The following ANXA8 variants were observed in gnomAD, a reference collection of about 807,000 sequenced individuals.
The protein encoded by ANXA8 is annexin A8, also known as VAC-beta.
ANXA8 carries 9 observed loss-of-function variants against 26.8 expected under a neutral mutation model. The observed-to-expected ratio is 0.34, with a 90% CI of 0.20 to 0.59. The LOEUF (loss-of-function observed/expected upper bound fraction) is 0.59, where lower values mean the gene tolerates loss of function less well. ANXA8 is among the 20% of genes least tolerant of loss of function. The pLI is 0.84. For missense variants in ANXA8, 83 were observed against 238.5 expected, an observed-to-expected ratio of 0.35 and a Z score of 4.29; for synonymous variants, 39 against 94.8, an observed-to-expected ratio of 0.41 and a Z score of 3.42.
the ANXA8 span, among the ~76,000 whole-genome samples, chr10:47,949,686 T>C: frequency 1.3e-5 from 2 of 150,186 alleles, no homozygotes; most frequent in Admixed American, 6.6e-5. Context: ...AGTGTTATAA[T>C]AGTATATTTG....
At chr10:47,701,151 A>G in the ANXA8 span, among the ~76,000 whole-genome samples, 1 of 150,732 alleles carries the variant, frequency 6.6e-6, no homozygotes, top group Non-Finnish European at 1.5e-5. Context: ...AGAAATTCAA[A>G]TTAAAACTAC....
At chr10:47,490,677 A>T in the ANXA8 span, among the ~76,000 whole-genome samples, 5 of 141,676 alleles carry the variant, frequency 3.5e-5, no homozygotes, top group Non-Finnish European at 7.6e-5. Context: ...ATCATAAAAA[A>T]CTCAGAGGCT....
the ANXA8 span, among the ~76,000 whole-genome samples, chr10:47,953,616 T>A: frequency 1.3e-5 from 2 of 149,502 alleles, no homozygotes; most frequent in Non-Finnish European, 3.0e-5. Flanking sequence ...AGAGACAGCC[T>A]ACAGAATGGG....
chr10:47,526,117 T>A, the ANXA8 span, among the ~76,000 whole-genome samples: 13 of 133,874 alleles, frequency 9.7e-5, 4 homozygotes, highest in East Asian at 1.2e-3. Context: ...TTTATTTTTT[T>A]TTTTTTTGAG....
the ANXA8 span, among the ~76,000 whole-genome samples, chr10:47,944,661 C>A: frequency 1.6e-3 from 243 of 150,556 alleles, 3 homozygotes; most frequent in African/African-American, 5.7e-3. Context: ...AAGAGAAGTT[C>A]CCCTGCACAT....
chr10:47,651,177 G>A, the ANXA8 span, among the ~76,000 whole-genome samples: 1 of 151,262 alleles, frequency 6.6e-6, no homozygotes, highest in Non-Finnish European at 1.5e-5. Context: ...TCCAGCCTGG[G>A]CGGCAGAGCA....
chr10:47,970,536 C>T, the ANXA8 span: 10 of 151,270 alleles, frequency 6.6e-5, 1 homozygote, highest in African/African-American at 2.4e-4. Context: ...TCAGTAAGTG[C>T]ACTTTGTGTA....
the ANXA8 span, among the ~76,000 whole-genome samples, chr10:47,627,093 G>T: frequency 6.7e-6 from 1 of 149,396 alleles, no homozygotes. Context: ...TCTAGCAATA[G>T]AATTCATTGT....
At chr10:47,736,221 T>C in the ANXA8 span, among the ~76,000 whole-genome samples, 1 of 19,148 alleles carries the variant, frequency 5.2e-5, no homozygotes, top group South Asian at 1.4e-3. Context: ...GCCTGGGCAA[T>C]AGAGCAAGAC....
At chr10:47,907,224 G>A in the ANXA8 span, among the ~76,000 whole-genome samples, 24 of 152,102 alleles carry the variant, frequency 1.6e-4, no homozygotes, top group Non-Finnish European at 3.5e-4. Flanking sequence ...GGGCGTGGTG[G>A]CGGGTGCTTG....
chr10:47,597,054 T>C, the ANXA8 span, among the ~76,000 whole-genome samples: 1 of 148,912 alleles, frequency 6.7e-6, no homozygotes, highest in Admixed American at 6.6e-5. Flanking sequence ...AAAAAGATAA[T>C]ACAATATCAA....
chr10:47,684,901 T>A, the ANXA8 span, among the ~76,000 whole-genome samples: 1 of 149,804 alleles, frequency 6.7e-6, no homozygotes, highest in African/African-American at 2.5e-5. Flanking sequence ...TTGTTTTTTT[T>A]AAGCTCATTA....
chr10:47,475,275 G>T (rs1280181042), intron 6 of ANXA8, among the ~76,000 whole-genome samples: 2 of 150,342 alleles, frequency 1.3e-5, no homozygotes, highest in East Asian at 4.4e-4. Flanking sequence ...CTCTCCTCCC[G>T]CTTCCAGGAT....
At chr10:47,701,019 C>T in the ANXA8 span, among the ~76,000 whole-genome samples, 1 of 150,922 alleles carries the variant, frequency 6.6e-6, no homozygotes, top group Non-Finnish European at 1.5e-5. Flanking sequence ...GAGGTCGAGG[C>T]TGCAGTGAGC....
chr10:47,960,087 C>G, the ANXA8 span, among the ~76,000 whole-genome samples: 2 of 148,994 alleles, frequency 1.3e-5, no homozygotes, highest in Admixed American at 1.3e-4. Context: ...CAACAACTGC[C>G]TGGCTTAGCC....
At chr10:47,953,827 C>T in the ANXA8 span, among the ~76,000 whole-genome samples, 3 of 150,790 alleles carry the variant, frequency 2.0e-5, no homozygotes, top group African/African-American at 7.4e-5. Context: ...ATATGCAAAT[C>T]AAAACTACAA....
chr10:47,505,031 AT>A, the ANXA8 span, among the ~76,000 whole-genome samples: 1 of 117,162 alleles, frequency 8.5e-6, no homozygotes, highest in African/African-American at 3.2e-5. Flanking sequence ...TAAGTTTTGT[AT>A]TTTTAGTAGA....
At chr10:47,982,058 T>C in the ANXA8 span, among the ~76,000 whole-genome samples, 8 of 150,542 alleles carry the variant, frequency 5.3e-5, no homozygotes, top group African/African-American at 1.9e-4. Flanking sequence ...GGAGGCTAAG[T>C]TGGGAGGATT....
chr10:47,706,055 C>G, the ANXA8 span: 2 of 1,060,238 alleles, frequency 1.9e-6, no homozygotes, highest in African/African-American at 1.6e-5. Flanking sequence ...TGGGAGCGCG[C>G]GAGCTAGCGA....
Sources: allele counts gnomAD v4.1 joint callset (sites outside exome capture counted in the v4.1 genomes callset), GRCh38; gene constraint gnomAD v4.1.1; transcripts MANE v1.5; gene names NCBI Gene and HGNC (gene_info 2026-07-23, HGNC 2026-07-21).